The following PLXNC1 variants were observed in gnomAD, a reference collection of about 807,000 sequenced individuals.
PLXNC1 encodes plexin-C1.
In PLXNC1, 75 loss-of-function variants were observed where a neutral mutation model predicts 178.2. That is an observed-to-expected ratio of 0.42 (90% CI 0.35 to 0.51). The LOEUF is 0.51. Ranked by LOEUF, PLXNC1 falls within the 20% of genes least tolerant of loss-of-function variation. The pLI, the probability that PLXNC1 is intolerant of heterozygous loss-of-function variation, is 0.02. For synonymous variants in PLXNC1, 790 were observed against 779.9 expected (o/e 1.01, Z -0.22); for missense variants, 1,503 against 1,984.4 (o/e 0.76, Z 4.61).
intron 3 of PLXNC1, chr12:94,186,116 C>T (rs1373605295): frequency 2.8e-6 from 1 of 357,448 alleles, no homozygotes; most frequent in African/African-American, 2.0e-5. Flanking sequence ...AATACAACTT[C>T]CTAGGCTCTG....
Position 94,220,149 on chromosome 12 carries a change from G to C in PLXNC1, c.1688G>C (p.Arg563Thr), listed in dbSNP as rs144918979. Residue 563 changes from arginine (R) to threonine (T), a missense_variant, in exon 6 of 31, where the codon AGA becomes ACA. By Grantham distance (71) the Arg-to-Thr change is moderately conservative. Around this residue, in one of 4 missense-constraint regions of PLXNC1, gnomAD observed 615 missense variants for 698.6 expected, o/e 0.88. Coordinates refer to ENST00000258526, the MANE Select transcript of PLXNC1 (RefSeq NM_005761.3). Reference protein sequence around the residue: ...NRTCTCSIPTRATYKDVSVVN... With the variant: ...NRTCTCSIPTTATYKDVSVVN... ...ACCTGCACCTGTAGCATCCCAACCA[G>C]AGCAACCTACAAAGGTATGTGGATT... The C allele has an allele frequency of 1.9e-6, 3 of 1,613,652 alleles. No homozygotes were observed. The highest frequency in any genetic ancestry group is 2.2e-5 in the East Asian group (1 of 44,898).
chr12:94,193,755 G>A lies in PLXNC1; in HGVS notation c.1439+7282G>A, dbSNP rs571621513. On this transcript the variant is annotated intron_variant, in intron 4 of 30. Coordinates refer to ENST00000258526, the MANE Select transcript of PLXNC1 (RefSeq NM_005761.3). ...TTGAAGCTGGTGTTGAGATTACAGC[G>A]GAAGGAGTGCAGGCATCTGGCTGGG... Among the ~76,000 whole-genome samples, 33 of 152,254 alleles carry A rather than the reference G, an allele frequency of 2.2e-4. No homozygotes were observed. In the South Asian group the frequency reaches 2.7e-3, roughly 12 times the overall value.
intron 4 of PLXNC1, among the ~76,000 whole-genome samples, chr12:94,193,922 C>T (rs1962818205): frequency 6.6e-6 from 1 of 152,086 alleles, no homozygotes; most frequent in Non-Finnish European, 1.5e-5. Flanking sequence ...AGGAAAGGTC[C>T]TGTGTTTGTC....
chr12:94,186,883 C>T (rs1429308240), intron 4 of PLXNC1: 1 of 177,584 alleles, frequency 5.6e-6, no homozygotes, highest in Non-Finnish European at 1.2e-5. Context: ...ATTCTGTTCG[C>T]TCCGCAGAAG....
At chr12:94,208,188 A>G (rs79669694) in intron 4 of PLXNC1, among the ~76,000 whole-genome samples, 159 of 152,324 alleles carry the variant, frequency 1.0e-3, no homozygotes, top group African/African-American at 3.8e-3. Flanking sequence ...AGAATTGCCG[A>G]TGAAAATCCC....
chr12:94,149,236 G>T lies in PLXNC1; in HGVS notation c.265G>T (p.Glu89Ter). The T allele has an allele frequency of 6.4e-7, 1 of 1,569,742 alleles. No homozygotes were observed. The highest frequency in any genetic ancestry group is 1.7e-4 in the Middle Eastern group (1 of 5,946). ...CCGGGACCAAGCGGGCAACTGCACA[G>T]AGCCGGTCTCGCTGGCGCCCCCCGC... is the stretch of plus-strand genomic sequence containing the variant. ...LYRDQAGNCT[E>*]PVSLAPPARP... Residue 89 changes from glutamate to a stop codon, truncating the protein, a stop_gained, in exon 1 of 31, where the codon GAG becomes TAG. Coordinates refer to ENST00000258526, the MANE Select transcript of PLXNC1 (RefSeq NM_005761.3). LOFTEE classifies it high-confidence loss of function.
chr12:94,234,910 A>T (rs1454650572), intron 9 of PLXNC1, among the ~76,000 whole-genome samples: 1 of 152,220 alleles, frequency 6.6e-6, no homozygotes, highest in African/African-American at 2.4e-5. Context: ...CAAAATCTTT[A>T]TTGGTAAAAA....
intron 21 of PLXNC1, among the ~76,000 whole-genome samples, chr12:94,269,994 T>G (rs1057266702): frequency 6.6e-6 from 1 of 152,262 alleles, no homozygotes; most frequent in Non-Finnish European, 1.5e-5. Flanking sequence ...ATCTTGGAAT[T>G]AGAAAATAAT....
rs891527483 is a variant in PLXNC1 at position 94,305,478 on chromosome 12, G to A, written c.*193G>A. 2.4e-4 allele frequency: 127 copies of A among 518,682 alleles called. 1 individual carries two copies. The highest frequency in any genetic ancestry group is 7.9e-5 in the Non-Finnish European group (23 of 290,986). The allele number at this position is 518,682 out of a possible 1,614,324, so 32.1% of individuals were successfully genotyped here. A position where few individuals can be genotyped will look rare whatever the true frequency, so the allele number is the denominator to read the frequency against. On this transcript the variant is annotated 3_prime_UTR_variant, in exon 31 of 31. Transcript: ENST00000258526. ...CAACCCTTGTGCCTGTGTGTATACCGTGGGAACCCTTCTGTAAATAGAGTT... is the reference window on the plus strand; with the variant it reads ...CAACCCTTGTGCCTGTGTGTATACCATGGGAACCCTTCTGTAAATAGAGTT...
At chr12:94,175,161 G>A (rs888472151) in intron 2 of PLXNC1, among the ~76,000 whole-genome samples, 5 of 152,160 alleles carry the variant, frequency 3.3e-5, no homozygotes, top group African/African-American at 9.7e-5. Context: ...AGGCATGCAC[G>A]TGCATATGTG....
chr12:94,203,160 CA>C (rs1963194381), intron 4 of PLXNC1, among the ~76,000 whole-genome samples: 1 of 152,086 alleles, frequency 6.6e-6, no homozygotes, highest in South Asian at 2.1e-4. Flanking sequence ...CCAAAGTAGG[CA>C]CAAAGTTTTG....
chr12:94,297,306 T>A lies in PLXNC1; in HGVS notation c.3967-10T>A. The A allele has an allele frequency of 6.2e-7, 1 of 1,613,256 alleles. No individual in the cohort carries two copies. ...CTCCTTGGGTAACGCTTCTGCTGTC[T>A]TCCCTTCAGATTTTACCAGATTCGG... On this transcript the variant is annotated splice_polypyrimidine_tract_variant and intron_variant, in intron 25 of 30. Coordinates refer to ENST00000258526, the MANE Select transcript of PLXNC1 (RefSeq NM_005761.3).
At chr12:94,249,942 G>A (rs1964632492) in intron 14 of PLXNC1, among the ~76,000 whole-genome samples, 1 of 131,748 alleles carries the variant, frequency 7.6e-6, no homozygotes, top group Non-Finnish European at 1.6e-5. Context: ...GGGGGGTGGG[G>A]GGGTGGGAAC....
intron 23 of PLXNC1, among the ~76,000 whole-genome samples, chr12:94,287,201 G>A (rs1364435425): frequency 1.3e-5 from 2 of 152,210 alleles, no homozygotes; most frequent in Admixed American, 1.3e-4. Context: ...TGCAGACAAA[G>A]GGTTAAGCGT....
intron 17 of PLXNC1, among the ~76,000 whole-genome samples, chr12:94,256,563 C>T (rs1445439562): frequency 6.6e-6 from 1 of 151,990 alleles, no homozygotes. Flanking sequence ...AATTCGATTC[C>T]CCGAATCAGG....
In PLXNC1 at chr12:94,300,906, A is replaced by G; in HGVS notation, c.4239-4A>G. The stretch of plus-strand genomic sequence containing the variant: ...TGAAAAGAGATTATTCTCTCTTTGA[A>G]CAGCCTTCCTCTTCGCTTCTGGGTA... On this transcript the variant is annotated splice_region_variant and splice_polypyrimidine_tract_variant and intron_variant, in intron 27 of 30. Transcript: ENST00000258526. The G allele has an allele frequency of 6.2e-7, 1 of 1,609,114 alleles. No homozygotes were observed. The highest frequency in any genetic ancestry group is 8.5e-7 in the Non-Finnish European group (1 of 1,176,352).
At chr12:94,297,462 G>C (rs186883996) in intron 26 of PLXNC1, 39 bp downstream of exon 26, 1 of 1,333,880 alleles carries the variant, frequency 7.5e-7, no homozygotes, top group East Asian at 2.4e-5. Context: ...TGGCTACCTA[G>C]GGGGTGTATG....
In PLXNC1 at chr12:94,260,235, T is replaced by G. The variant is rs1367054313; in HGVS notation, c.3252-407T>G. Reference sequence around the variant, plus strand: ...CACCCAGCTAATGTTTTGTTGTTGTTGTAGTAGAGATGGGGTCTTGCTATA... The same window carrying G: ...CACCCAGCTAATGTTTTGTTGTTGTGGTAGTAGAGATGGGGTCTTGCTATA... On this transcript the variant is annotated intron_variant, in intron 19 of 30. Transcript: ENST00000258526. This position sits in a 1 kb window ranked among gnomAD's most constrained non-coding sequence, Gnocchi z 4.4. 6.6e-6 allele frequency among the ~76,000 whole-genome samples: 1 copy of G among 152,002 alleles called. No homozygotes were observed. The highest frequency in any genetic ancestry group is 1.5e-5 in the Non-Finnish European group (1 of 68,018).
In PLXNC1 at chr12:94,148,979, T is replaced by G; in HGVS notation, c.8T>G (p.Val3Gly). ...GGCGGCCCCCCCAGCCCCATGGAGGTCTCCCGGAGGAAGGCGCCGCCGCGC... is the reference window on the plus strand; with the variant it reads ...GGCGGCCCCCCCAGCCCCATGGAGGGCTCCCGGAGGAAGGCGCCGCCGCGC... ME[V>G]SRRKAPPRPP... The change falls in exon 1 of 31, where the codon GTC becomes GGC. Residue 3 changes from valine to glycine, a missense_variant. Val to Gly is a moderately radical substitution (Grantham distance 109). Transcript: ENST00000258526. The surrounding 1 kb of genome is among the most constrained non-coding windows in gnomAD (Gnocchi z 4.8). 1 of 1,416,822 alleles carries G rather than the reference T, an allele frequency of 7.1e-7. No homozygotes were observed. Among genetic ancestry groups the G allele is most frequent in the Non-Finnish European group, 9.2e-7 (1 of 1,087,812 alleles). 87.8% of individuals were successfully genotyped at this position (1,416,822 alleles called of 1,614,324 possible).
Sources: allele counts gnomAD v4.1 joint callset (sites outside exome capture counted in the v4.1 genomes callset), GRCh38; gene constraint gnomAD v4.1.1; regional missense constraint gnomAD v4.1.1; non-coding constraint Gnocchi (gnomAD v3.1); transcripts MANE v1.5; gene names NCBI Gene and HGNC (gene_info 2026-07-23, HGNC 2026-07-21).